DHRS7B: variants seen among roughly 807,000 people sequenced by gnomAD.
The protein encoded by DHRS7B is peroxisomal reductase activating PPAR-gamma.
Under a neutral mutation model 26.4 loss-of-function variants are expected in DHRS7B, and 24 were observed. That is an observed-to-expected ratio of 0.91 (90% CI 0.66 to 1.28). The LOEUF is 1.28. Among genes scored for constraint, DHRS7B ranks in the 50% most tolerant of loss-of-function variants. The pLI, the probability that DHRS7B is intolerant of heterozygous loss-of-function variation, is 0.00. For synonymous variants in DHRS7B, 142 were observed against 166.4 expected, an observed-to-expected ratio of 0.85 and a Z score of 1.13; for missense variants, 368 against 419.4, an observed-to-expected ratio of 0.88 and a Z score of 1.07.
At chr17:21,176,094 G>T (rs549571224) in intron 2 of DHRS7B, among the ~76,000 whole-genome samples, 2 of 151,960 alleles carry the variant, frequency 1.3e-5, no homozygotes, top group Non-Finnish European at 2.9e-5. Flanking sequence ...AGGCTCAAGG[G>T]ATCCTCCCAC....
At chr17:21,151,429 C>T (rs942467045) in intron 1 of DHRS7B, among the ~76,000 whole-genome samples, 1 of 151,272 alleles carries the variant, frequency 6.6e-6, no homozygotes, top group Non-Finnish European at 1.5e-5. Flanking sequence ...CAGAGAATTG[C>T]TTGAACCTGG....
intron 1 of DHRS7B, among the ~76,000 whole-genome samples, chr17:21,132,380 G>A (rs191103418): frequency 4.0e-5 from 6 of 149,930 alleles, no homozygotes; most frequent in Non-Finnish European, 8.9e-5. Flanking sequence ...TAGATAGATA[G>A]AGATATGCAG....
chr17:21,156,006 A>G (rs1295453822), intron 1 of DHRS7B, among the ~76,000 whole-genome samples: 1 of 152,178 alleles, frequency 6.6e-6, no homozygotes, highest in African/African-American at 2.4e-5. Flanking sequence ...TGTATTAGAA[A>G]AGAAGAAAGA....
In DHRS7B at chr17:21,140,619, T is replaced by G. The variant is rs1283804009; in HGVS notation, c.20+13628T>G. Among the ~76,000 whole-genome samples, 3 of 151,216 alleles carry G rather than the reference T, an allele frequency of 2.0e-5. No homozygotes were observed. The Admixed American group carries it at 2.0e-4, about 10-fold the overall frequency. ...TTTACTGGCTTGCAAAAATATCTTG[T>G]TGGATCTAAACAGTGGTTTTTATCT... On this transcript the variant is annotated intron_variant, in intron 1 of 6. Coordinates refer to ENST00000395511, the MANE Select transcript of DHRS7B (RefSeq NM_015510.5).
At chr17:21,151,086 C>A (rs1320372094) in intron 1 of DHRS7B, among the ~76,000 whole-genome samples, 2 of 152,158 alleles carry the variant, frequency 1.3e-5, no homozygotes, top group East Asian at 3.8e-4. Context: ...AGCTCAAAAG[C>A]AGCAAAAGAA....
chr17:21,140,479 T>TACACACACACACACACACACACACACAC (rs4020775), intron 1 of DHRS7B, among the ~76,000 whole-genome samples: 2 of 83,628 alleles, frequency 2.4e-5, no homozygotes, highest in African/African-American at 5.2e-5. Flanking sequence ...GCCTTTTAAA[T>TACACACACACACACACACACACACACAC]ACACACACAC....
intron 1 of DHRS7B, among the ~76,000 whole-genome samples, chr17:21,138,515 G>A (rs531736153): frequency 3.3e-4 from 50 of 151,890 alleles, no homozygotes; most frequent in African/African-American, 1.1e-3. Context: ...GAGCCACCGC[G>A]CCTGGCAACA....
intron 1 of DHRS7B, among the ~76,000 whole-genome samples, chr17:21,140,479 TACACACACACACACACAC>T (rs4020775): frequency 1.2e-3 from 99 of 83,690 alleles, no homozygotes; most frequent in East Asian, 3.0e-3. Flanking sequence ...GCCTTTTAAA[TACACACACACACACACAC>T]ACACACACAC....
At chr17:21,178,654 G>T (rs1160715434) in intron 3 of DHRS7B, among the ~76,000 whole-genome samples, 2 of 137,786 alleles carry the variant, frequency 1.5e-5, no homozygotes, top group African/African-American at 2.8e-5. Context: ...AACTTTAAAA[G>T]GTGTTTTTTT....
At chr17:21,166,073 C>T in intron 1 of DHRS7B, 1 of 847,248 alleles carries the variant, frequency 1.2e-6, no homozygotes, top group South Asian at 5.4e-5. Flanking sequence ...TGTCACCGCA[C>T]TCCTGTGCCA....
chr17:21,140,216 G>A (rs1381807584), intron 1 of DHRS7B, among the ~76,000 whole-genome samples: 2 of 151,562 alleles, frequency 1.3e-5, no homozygotes, highest in African/African-American at 4.9e-5. Flanking sequence ...GTAAGATGGG[G>A]TTTCACCATG....
intron 1 of DHRS7B, among the ~76,000 whole-genome samples, chr17:21,157,057 G>T (rs976332943): frequency 1.1e-4 from 16 of 152,074 alleles, no homozygotes; most frequent in African/African-American, 3.9e-4. Flanking sequence ...ATCTATTAGA[G>T]AAATGGAATC....
chr17:21,148,483 A>G (rs973941573), intron 1 of DHRS7B, among the ~76,000 whole-genome samples: 36 of 152,288 alleles, frequency 2.4e-4, no homozygotes, highest in Admixed American at 2.0e-3. Context: ...ACAGTGGCTC[A>G]TGCCTGTGTT....
At chr17:21,147,601 G>C (rs1973670179) in intron 1 of DHRS7B, among the ~76,000 whole-genome samples, 1 of 152,176 alleles carries the variant, frequency 6.6e-6, no homozygotes, top group African/African-American at 2.4e-5. Flanking sequence ...CCAAGTGTGA[G>C]GAAAATTTCC....
At chr17:21,149,546 G>C (rs968475683) in intron 1 of DHRS7B, among the ~76,000 whole-genome samples, 2 of 152,066 alleles carry the variant, frequency 1.3e-5, no homozygotes, top group Admixed American at 6.6e-5. Context: ...ACAAAAATAG[G>C]TATAGCAACC....
intron 1 of DHRS7B, among the ~76,000 whole-genome samples, chr17:21,152,899 AC>A (rs1194720722): frequency 6.6e-6 from 1 of 151,426 alleles, no homozygotes; most frequent in East Asian, 1.9e-4. Flanking sequence ...ACCTAATAGG[AC>A]TGTAGAACAC....
At chr17:21,171,595 C>T (rs1974248728) in intron 1 of DHRS7B, 2 of 290,412 alleles carry the variant, frequency 6.9e-6, no homozygotes, top group Admixed American at 4.5e-5. Flanking sequence ...TTTTCCTTTC[C>T]TCAAAAAACC....
intron 1 of DHRS7B, among the ~76,000 whole-genome samples, chr17:21,137,503 G>A (rs1384989862): frequency 6.6e-6 from 1 of 151,532 alleles, no homozygotes; most frequent in Non-Finnish European, 1.5e-5. Context: ...TGTTGCCCAG[G>A]CTGGAGTGTA....
At chr17:21,157,908 G>A (rs1208868100) in intron 1 of DHRS7B, among the ~76,000 whole-genome samples, 2 of 151,742 alleles carry the variant, frequency 1.3e-5, no homozygotes, top group Admixed American at 6.6e-5. Flanking sequence ...TTGCACCACT[G>A]CACCCCAGCT....
Sources: allele counts gnomAD v4.1 joint callset (sites outside exome capture counted in the v4.1 genomes callset), GRCh38; gene constraint gnomAD v4.1.1; transcripts MANE v1.5; gene names NCBI Gene and HGNC (gene_info 2026-07-23, HGNC 2026-07-21).